The following VPS13B variants were observed in gnomAD, a reference collection of about 807,000 sequenced individuals.
VPS13B encodes intermembrane lipid transfer protein VPS13B.
In VPS13B, 285 loss-of-function variants were observed where a neutral mutation model predicts 426.4. The ratio of observed to expected loss-of-function variants is 0.67; its 90% CI spans 0.61 to 0.74. The LOEUF is 0.74. Among genes scored for constraint, VPS13B ranks in the 30% least tolerant of loss-of-function variants. VPS13B has a pLI of 0.00. For missense variants in VPS13B, 4,537 were observed against 4,782.6 expected, an observed-to-expected ratio of 0.95 and a Z score of 1.51; for synonymous variants, 1,676 against 1,676.4, an observed-to-expected ratio of 1.00 and a Z score of 0.01.
At chr8:99,415,727 G>A (rs1051725817) in intron 21 of VPS13B, among the ~76,000 whole-genome samples, 2 of 152,324 alleles carry the variant, frequency 1.3e-5, no homozygotes, top group Non-Finnish European at 2.9e-5. Flanking sequence ...CTGTTTGCCT[G>A]GGTATCACCA....
At chr8:99,042,649 T>G (rs189885177) in intron 3 of VPS13B, among the ~76,000 whole-genome samples, 18 of 152,272 alleles carry the variant, frequency 1.2e-4, no homozygotes, top group African/African-American at 4.3e-4. Flanking sequence ...AGCCACTTTT[T>G]GTTTGTTTTG....
At chr8:99,818,418 A>T (rs370363302) in intron 45 of VPS13B, 33 bp from the exon 46 acceptor site, 435 of 1,591,020 alleles carry the variant, frequency 2.7e-4, no homozygotes, top group Non-Finnish European at 3.3e-4. Context: ...ACTGCTTAGT[A>T]TTCAATAGGA....
At chr8:99,826,842 C>T (rs1389655359) in intron 51 of VPS13B, among the ~76,000 whole-genome samples, 1 of 151,978 alleles carries the variant, frequency 6.6e-6, no homozygotes, top group African/African-American at 2.4e-5. Flanking sequence ...TCGTTTTGGT[C>T]ATTGGTTCTG....
intron 51 of VPS13B, among the ~76,000 whole-genome samples, chr8:99,825,012 A>G (rs1409781886): frequency 6.6e-6 from 1 of 152,198 alleles, no homozygotes; most frequent in Non-Finnish European, 1.5e-5. Flanking sequence ...AGTCTTTGCT[A>G]TTGTAAATAG....
At chr8:99,242,371 G>A (rs773783795) in intron 17 of VPS13B, among the ~76,000 whole-genome samples, 11 of 152,162 alleles carry the variant, frequency 7.2e-5, no homozygotes, top group Non-Finnish European at 1.6e-4. Context: ...TGAAATATAT[G>A]TATAAATTAA....
rs1272106428 is a variant in VPS13B, at chr8:99,756,448, TG to T, written c.7051-10323del. On this transcript the variant is annotated intron_variant, in intron 39 of 61. Transcript: ENST00000357162. Reference sequence around the variant, plus strand: ...GGAAGAAAGAATATTTGAAGAATAATGGGCAAACACTTCCCAAATTTGATGA... The same window carrying T: ...GGAAGAAAGAATATTTGAAGAATAATGGCAAACACTTCCCAAATTTGATGA... Among the ~76,000 whole-genome samples the T allele has an allele frequency of 2.0e-5, 3 of 152,300 alleles. No individual in the cohort carries two copies. In the East Asian group the frequency reaches 5.8e-4, roughly 29 times the overall value.
At chr8:99,391,444 C>G in intron 20 of VPS13B, 113 bp from the exon 21 acceptor site, 1 of 1,533,420 alleles carries the variant, frequency 6.5e-7, no homozygotes, top group East Asian at 2.3e-5. Flanking sequence ...ATAATGAAGT[C>G]TCAGCCCCAA....
chr8:99,288,344 A>G (rs1239255023), intron 19 of VPS13B, among the ~76,000 whole-genome samples: 2 of 151,936 alleles, frequency 1.3e-5, no homozygotes, highest in Non-Finnish European at 2.9e-5. Flanking sequence ...GTTTTTTGAT[A>G]TTTTCTGCAA....
At chr8:99,679,844 C>A (rs1371122989) in intron 35 of VPS13B, among the ~76,000 whole-genome samples, 5 of 152,122 alleles carry the variant, frequency 3.3e-5, no homozygotes, top group Non-Finnish European at 7.4e-5. Flanking sequence ...AACACTATAA[C>A]AAAAACCTGA....
Position 99,274,285 on chromosome 8 carries a change from G to C in VPS13B, c.2603G>C (p.Cys868Ser). The C allele has an allele frequency of 6.2e-7, 1 of 1,614,104 alleles. No homozygotes were observed. The highest frequency in any genetic ancestry group is 8.5e-7 in the Non-Finnish European group (1 of 1,180,018). ...TACTGCAGCACATCATTGGTCAAAT[G>C]TGCCTCTGGGACCATGGGATCAATA... ...LKYCSTSLVK[C>S]ASGTMGSIKI... is the part of the protein sequence containing the mutation. Residue 868 changes from cysteine to serine, a missense_variant, in exon 18 of 62, where the codon TGT (cysteine) becomes TCT (serine). Cys to Ser is a moderately radical substitution (Grantham distance 112). Coordinates refer to ENST00000357162, the MANE Select transcript of VPS13B (RefSeq NM_152564.5).
chr8:99,464,474 A>G (rs1448148833), intron 23 of VPS13B, among the ~76,000 whole-genome samples: 3 of 152,138 alleles, frequency 2.0e-5, no homozygotes, highest in African/African-American at 7.2e-5. Flanking sequence ...CATAAATTAT[A>G]TTTCTGTGAT....
In VPS13B at chr8:99,425,106, G is replaced by A. The variant is rs147027476; in HGVS notation, c.3083-6431G>A. Among the ~76,000 whole-genome samples the A allele has an allele frequency of 1.0e-2, 1,519 of 152,172 alleles. 33 individuals carry two copies. The highest frequency in any genetic ancestry group is 0.035 in the African/African-American group (1,454 of 41,534). ...CCAACCAAAAAAAGTCCAGGACCAGGTGGATTCACAGCCAAATTCTACGAG... is the reference window on the plus strand; with the variant it reads ...CCAACCAAAAAAAGTCCAGGACCAGATGGATTCACAGCCAAATTCTACGAG... On this transcript the variant is annotated intron_variant, in intron 21 of 61. Coordinates refer to ENST00000357162, the MANE Select transcript of VPS13B (RefSeq NM_152564.5).
intron 19 of VPS13B, among the ~76,000 whole-genome samples, chr8:99,314,214 G>A (rs562116485): frequency 2.2e-4 from 34 of 152,126 alleles, no homozygotes; most frequent in African/African-American, 6.0e-4. Context: ...AGATGAACCC[G>A]GTACCTCAGT....
chr8:99,238,241 A>AGTGT (rs199541620), intron 17 of VPS13B, among the ~76,000 whole-genome samples: 1,584 of 150,036 alleles, frequency 0.011, 24 homozygotes, highest in African/African-American at 0.035. Context: ...AGTTTGTGGG[A>AGTGT]GTGTGTGTGT....
In VPS13B at chr8:99,512,879, C is replaced by A. The variant is rs536345583; in HGVS notation, c.4633+1367C>A. Among the ~76,000 whole-genome samples the A allele has an allele frequency of 8.6e-5, 13 of 151,918 alleles. No homozygotes were observed. The South Asian group carries it at 2.5e-3, about 29-fold the overall frequency. On this transcript the variant is annotated intron_variant, in intron 29 of 61. Coordinates refer to ENST00000357162, the MANE Select transcript of VPS13B (RefSeq NM_152564.5). ...AAAAAATTAGCCAGGCGTGGTGGCACGTGCCTGTAATCCCAGCTACTTGGG... is the reference window on the plus strand; with the variant it reads ...AAAAAATTAGCCAGGCGTGGTGGCAAGTGCCTGTAATCCCAGCTACTTGGG...
At chr8:99,815,676 T>A (rs895833209) in intron 44 of VPS13B, among the ~76,000 whole-genome samples, 1 of 150,620 alleles carries the variant, frequency 6.6e-6, no homozygotes, top group Admixed American at 6.6e-5. Context: ...TGTGTTATTC[T>A]GGAAAAATAT....
intron 19 of VPS13B, among the ~76,000 whole-genome samples, chr8:99,293,363 CT>C (rs1268276741): frequency 3.7e-5 from 4 of 108,986 alleles, no homozygotes; most frequent in Non-Finnish European, 7.5e-5. Context: ...AACTGGATCC[CT>C]TCCTTACACC....
intron 18 of VPS13B, 88 bp from the exon 19 acceptor site, chr8:99,274,993 A>G: frequency 8.9e-7 from 1 of 1,126,222 alleles, no homozygotes; most frequent in East Asian, 2.6e-5. Context: ...GAAATGTTAT[A>G]TTATGGTGTT....
chr8:99,720,324 A>T, intron 37 of VPS13B, 21 bp from the exon 38 acceptor site: 1 of 1,602,222 alleles, frequency 6.2e-7, no homozygotes, highest in Non-Finnish European at 8.5e-7. Flanking sequence ...AAGCTACTAG[A>T]ATTTTTTTAT....
Sources: gnomAD v4.1 joint callset for allele counts (sites outside exome capture counted in the v4.1 genomes callset) on GRCh38, gnomAD v4.1.1 for gene constraint, MANE v1.5 for transcripts, NCBI Gene and HGNC (gene_info 2026-07-23, HGNC 2026-07-21) for gene names.